TRAF6: variants seen among roughly 807,000 people sequenced by gnomAD.
TRAF6 encodes TNF receptor-associated factor 6.
TRAF6 carries 10 observed loss-of-function variants against 48.4 expected under a neutral mutation model. That is an observed-to-expected ratio of 0.21 (90% CI 0.13 to 0.35). The LOEUF (loss-of-function observed/expected upper bound fraction) is 0.35. Ranked by LOEUF, TRAF6 falls within the 10% of genes least tolerant of loss-of-function variation. TRAF6 has a pLI of 1.00. For synonymous variants in TRAF6, 186 were observed against 219.6 expected, an observed-to-expected ratio of 0.85 and a Z score of 1.35; for missense variants, 397 against 661.0, an observed-to-expected ratio of 0.60 and a Z score of 4.38.
chr11:36,507,223 T>C (rs1486514182), intron 1 of TRAF6, among the ~76,000 whole-genome samples: 15 of 98 alleles, frequency 0.15, no homozygotes, highest in African/African-American at 0.36. Flanking sequence ...TAAATGTATA[T>C]ATGTATATAT....
At position 36,508,213 on chromosome 11, in the gene TRAF6, A is replaced by G. The variant is rs191136851; in HGVS notation, c.-23+1835T>C. On this transcript the variant is annotated intron_variant, in intron 1 of 6. Transcript: ENST00000526995. Reference sequence around the variant, plus strand: ...GCTTTCTACAGGAATTAATGAAGGGATGGAACAAAGTATAAATTGTTCCTT... The same window carrying G: ...GCTTTCTACAGGAATTAATGAAGGGGTGGAACAAAGTATAAATTGTTCCTT... Among the ~76,000 whole-genome samples, 566 of 152,106 alleles carry G rather than the reference A, an allele frequency of 3.7e-3. 2 individuals are homozygous for G. The highest frequency in any genetic ancestry group is 9.9e-3 in the Admixed American group (151 of 15,236).
chr11:36,503,759 G>C (rs1343122632), intron 1 of TRAF6, among the ~76,000 whole-genome samples: 1 of 152,126 alleles, frequency 6.6e-6, no homozygotes, highest in East Asian at 1.9e-4. Context: ...ATACGGTATA[G>C]GGCCCCCTTT....
In TRAF6 at chr11:36,489,637, A is replaced by C; in HGVS notation, c.*201T>G. ...ACTTCAGGCCTAACATTTCTGAAAAAGCATGGAACGTGTGGATTCCCAGGA... is the reference window on the plus strand; with the variant it reads ...ACTTCAGGCCTAACATTTCTGAAAACGCATGGAACGTGTGGATTCCCAGGA... On this transcript the variant is annotated 3_prime_UTR_variant, in exon 7 of 7. Coordinates refer to ENST00000526995, the MANE Select transcript of TRAF6 (RefSeq NM_004620.4). 1.6e-6 allele frequency: 1 copy of C among 621,700 alleles called. No homozygotes were observed. The highest frequency in any genetic ancestry group is 2.7e-6 in the Non-Finnish European group (1 of 363,730). The allele number at this position is 621,700 out of a possible 1,614,324, so 38.5% of individuals were successfully genotyped here.
intron 5 of TRAF6, among the ~76,000 whole-genome samples, chr11:36,493,876 T>G (rs1859594614): frequency 6.6e-6 from 1 of 152,218 alleles, no homozygotes; most frequent in Admixed American, 6.5e-5. Context: ...GAAAAAGTTT[T>G]AAGGTTAACA....
chr11:36,501,871 T>G (rs1049985433), intron 1 of TRAF6: 1 of 164,962 alleles, frequency 6.1e-6, no homozygotes, highest in Non-Finnish European at 1.3e-5. Flanking sequence ...GTAATACTCT[T>G]CTATATCACA....
rs1157669800 is a variant in TRAF6 at position 36,489,426 on chromosome 11, C to T, written c.*412G>A. On this transcript the variant is annotated 3_prime_UTR_variant, in exon 7 of 7. Coordinates refer to ENST00000526995, the MANE Select transcript of TRAF6 (RefSeq NM_004620.4). ...TAGCACAAGGCGGTAGTGATTTTCA[C>T]TTTTAATATATTACATATAATACTA... 6.0e-6 allele frequency: 1 copy of T among 165,494 alleles called. No homozygotes were observed. Among genetic ancestry groups the T allele is most frequent in the South Asian group, 1.7e-4 (1 of 6,056 alleles). 10.3% of individuals were successfully genotyped at this position (165,494 alleles called of 1,614,324 possible). A position where few individuals can be genotyped will look rare whatever the true frequency, so the allele number is the denominator to read the frequency against.
chr11:36,507,173 A>G (rs10768214), intron 1 of TRAF6, among the ~76,000 whole-genome samples: 79,335 of 100,860 alleles, frequency 0.79, 32,856 homozygotes, highest in East Asian at 0.89. Flanking sequence ...TTATACATAC[A>G]TAAATGTATA....
rs1859893677 is a variant in TRAF6 at position 36,510,222 on chromosome 11, C to G, written c.-197G>C. On this transcript the variant is annotated 5_prime_UTR_variant, in exon 1 of 7. Coordinates refer to ENST00000526995, the MANE Select transcript of TRAF6 (RefSeq NM_004620.4). ...GAGCCTTCGCCACCTTCGCTGGCCG[C>G]CCGCAGGCCAAGCCCCAGCTGCGGA... 1 of 152,258 alleles carries G rather than the reference C, an allele frequency of 6.6e-6. No individual in the cohort carries two copies. Among genetic ancestry groups the G allele is most frequent in the Admixed American group, 6.5e-5 (1 of 15,284 alleles). 9.4% of individuals were successfully genotyped at this position (152,258 alleles called of 1,614,324 possible). A position where few individuals can be genotyped will look rare whatever the true frequency, so the allele number is the denominator to read the frequency against.
intron 1 of TRAF6, among the ~76,000 whole-genome samples, chr11:36,508,957 T>C (rs565424352): frequency 1.3e-5 from 2 of 152,302 alleles, no homozygotes; most frequent in East Asian, 1.9e-4. Flanking sequence ...TTGTGGTGCA[T>C]GCAGGCTGAA....
intron 1 of TRAF6, 119 bp from the exon 2 acceptor site, chr11:36,501,656 TA>T: frequency 1.4e-6 from 1 of 728,140 alleles, no homozygotes. Context: ...TCAGCTGTAT[TA>T]ATGTTATTTA....
chr11:36,485,081 T>G lies in TRAF6; in HGVS notation c.*4757A>C, dbSNP rs150000226. 3.3e-5 allele frequency among the ~76,000 whole-genome samples: 5 copies of G among 151,664 alleles called. No homozygotes were observed. The highest frequency in any genetic ancestry group is 1.2e-4 in the African/African-American group (5 of 40,968). ...ACCAAACTTGAAGTCTCATTAAAAG[T>G]AACATCTATCAAGTGATAAAGCAAA... On this transcript the variant is annotated 3_prime_UTR_variant, in exon 7 of 7. Transcript: ENST00000526995.
intron 1 of TRAF6, among the ~76,000 whole-genome samples, chr11:36,507,931 T>C (rs538562615): frequency 2.0e-5 from 3 of 150,596 alleles, no homozygotes; most frequent in South Asian, 2.1e-4. Context: ...TCATGGCTCA[T>C]TGCAGCCTCC....
intron 1 of TRAF6, among the ~76,000 whole-genome samples, chr11:36,505,657 T>C (rs901440630): frequency 6.6e-6 from 1 of 152,228 alleles, no homozygotes; most frequent in African/African-American, 2.4e-5. Flanking sequence ...TTCCTTTCTA[T>C]TCACAATTTG....
At chr11:36,497,883 TA>T (rs1859661829) in intron 3 of TRAF6, among the ~76,000 whole-genome samples, 1 of 151,064 alleles carries the variant, frequency 6.6e-6, no homozygotes, top group South Asian at 2.1e-4. Context: ...GTGACACTTG[TA>T]TTTTTTTTTT....
intron 6 of TRAF6, among the ~76,000 whole-genome samples, chr11:36,491,989 T>A (rs965772448): frequency 6.6e-6 from 1 of 152,224 alleles, no homozygotes; most frequent in Non-Finnish European, 1.5e-5. Context: ...CCCTTCCATC[T>A]ACCCAGTGAC....
chr11:36,493,544 C>T (rs751580362), intron 5 of TRAF6, among the ~76,000 whole-genome samples: 2 of 152,136 alleles, frequency 1.3e-5, no homozygotes, highest in Non-Finnish European at 2.9e-5. Flanking sequence ...ACTTTATTTA[C>T]AAAAACAGGT....
chr11:36,484,345 T>C lies in TRAF6; in HGVS notation c.*5493A>G, dbSNP rs1047960402. 6.6e-6 allele frequency among the ~76,000 whole-genome samples: 1 copy of C among 152,236 alleles called. No individual in the cohort carries two copies. Among genetic ancestry groups the C allele is most frequent in the South Asian group, 2.1e-4 (1 of 4,824 alleles). ...TGCATTCACTCCCTCTCATAAAGGA[T>C]GCATTTTCAGAGTCCAGATGGATTA... On this transcript the variant is annotated 3_prime_UTR_variant, in exon 7 of 7. Transcript: ENST00000526995.
intron 2 of TRAF6, among the ~76,000 whole-genome samples, chr11:36,500,905 T>G (rs1409082744): frequency 6.6e-6 from 1 of 152,068 alleles, no homozygotes; most frequent in African/African-American, 2.4e-5. Flanking sequence ...TAATTTAAGG[T>G]ACATTTAAAA....
rs972449147 is a variant in TRAF6 at position 36,487,633 on chromosome 11, C to T, written c.*2205G>A. 2.6e-5 allele frequency: 4 copies of T among 152,124 alleles called. No individual in the cohort carries two copies. The highest frequency in any genetic ancestry group is 9.7e-5 in the African/African-American group (4 of 41,434). 9.4% of individuals were successfully genotyped at this position (152,124 alleles called of 1,614,324 possible). ...CTTAATTTGAGACAGAATGTTATGG[C>T]TGGAGGGGACTCTAGAAATATCTGG... is the stretch of plus-strand genomic sequence containing the variant. On this transcript the variant is annotated 3_prime_UTR_variant, in exon 7 of 7. Transcript: ENST00000526995.
Sources: allele counts gnomAD v4.1 joint callset (sites outside exome capture counted in the v4.1 genomes callset), GRCh38; gene constraint gnomAD v4.1.1; transcripts MANE v1.5; gene names NCBI Gene and HGNC (gene_info 2026-07-23, HGNC 2026-07-21).